Variants in STIM1 observed in about 807,000 individuals in gnomAD.
STIM1 encodes the protein stromal interaction molecule 1.
In STIM1, 25 loss-of-function variants were observed where a neutral mutation model predicts 74.7. The ratio of observed to expected loss-of-function variants is 0.33; its 90% confidence interval spans 0.24 to 0.47. The LOEUF is 0.47. Among genes scored for constraint, STIM1 ranks in the 20% least tolerant of loss-of-function variants. The pLI is 1.00. For synonymous variants in STIM1, 328 were observed against 348.8 expected (o/e 0.94, Z 0.66); for missense variants, 728 against 920.8 (o/e 0.79, Z 2.71).
At chr11:3,970,502 AC>A in intron 2 of STIM1, among the ~76,000 whole-genome samples, 1 of 151,888 alleles carries the variant, frequency 6.6e-6, no homozygotes, top group Middle Eastern at 3.4e-3. Context: ...ATGGTGGGGT[AC>A]CAGAAACCCT....
chr11:4,091,451 A>G lies in STIM1; in HGVS notation c.1804A>G (p.Lys602Glu). ...EGVHPGSLVEKLPDSPALAKK... is the reference protein window; with the variant it reads ...EGVHPGSLVEELPDSPALAKK... Reference sequence around the variant, plus strand: ...GGTCCACCCAGGGTCTCTGGTGGAGAAACTGCCTGACAGCCCTGCCCTGGC... The same window carrying G: ...GGTCCACCCAGGGTCTCTGGTGGAGGAACTGCCTGACAGCCCTGCCCTGGC... The change falls in exon 13 of 13, where the codon AAA (lysine) becomes GAA (glutamate). Residue 602 changes from lysine (K) to glutamate (E), a missense_variant. By Grantham distance (56) the Lys-to-Glu change is moderately conservative. Transcript: ENST00000526596. The G allele has an allele frequency of 1.2e-6, 2 of 1,614,166 alleles. No individual in the cohort carries two copies. The highest frequency in any genetic ancestry group is 1.7e-6 in the Non-Finnish European group (2 of 1,180,028).
chr11:3,990,174 C>G (rs778654915), intron 2 of STIM1, among the ~76,000 whole-genome samples: 1 of 152,146 alleles, frequency 6.6e-6, no homozygotes, highest in Non-Finnish European at 1.5e-5. Flanking sequence ...TAGCTTTTTT[C>G]ACTTAGCATG....
chr11:3,857,832 T>C (rs939907292), intron 1 of STIM1, among the ~76,000 whole-genome samples: 14 of 152,210 alleles, frequency 9.2e-5, no homozygotes, highest in African/African-American at 3.4e-4. Context: ...AAGTTCCAGA[T>C]GTTCCAAGAG....
chr11:4,042,354 T>A lies in STIM1; in HGVS notation c.386-13172T>A, dbSNP rs971436623. Among the ~76,000 whole-genome samples the A allele has an allele frequency of 3.3e-5, 5 of 152,244 alleles. No homozygotes were observed. The East Asian group carries it at 9.6e-4, about 29-fold the overall frequency. On this transcript the variant is annotated intron_variant, in intron 3 of 12. Coordinates refer to ENST00000526596, the MANE Select transcript of STIM1 (RefSeq NM_001382567.1). The stretch of plus-strand genomic sequence containing the variant: ...CCTAATACAATATAGGACTATTTTT[T>A]ATCCCCTTAACCCCTTATGGCTTAA...
chr11:4,037,106 A>G (rs2094110245), intron 3 of STIM1, among the ~76,000 whole-genome samples: 1 of 150,208 alleles, frequency 6.7e-6, no homozygotes, highest in Non-Finnish European at 1.5e-5. Flanking sequence ...CCCAGGCTAG[A>G]GTGCAGTAGC....
At chr11:3,867,771 T>C (rs1188182586) in intron 1 of STIM1, among the ~76,000 whole-genome samples, 1 of 152,240 alleles carries the variant, frequency 6.6e-6, no homozygotes, top group Non-Finnish European at 1.5e-5. Context: ...CTTTCCTCGG[T>C]TGGCCATATA....
At chr11:3,906,419 C>T (rs1565110449) in intron 1 of STIM1, among the ~76,000 whole-genome samples, 1 of 152,200 alleles carries the variant, frequency 6.6e-6, no homozygotes, top group Non-Finnish European at 1.5e-5. Flanking sequence ...TATGCCCTGA[C>T]TGAATAGGTG....
Position 4,074,490 on chromosome 11 carries a change from T to C in STIM1, c.792-12T>C. 1 of 1,613,112 alleles carries C rather than the reference T, an allele frequency of 6.2e-7. No individual in the cohort carries two copies. The highest frequency in any genetic ancestry group is 8.5e-7 in the Non-Finnish European group (1 of 1,179,906). ...GCCTGGCCTCCTCCAGCTCCCTGCATTGCCCCCCCAGGCTGCACAAGGCCC... is the reference window on the plus strand; with the variant it reads ...GCCTGGCCTCCTCCAGCTCCCTGCACTGCCCCCCCAGGCTGCACAAGGCCC... On this transcript the variant is annotated splice_polypyrimidine_tract_variant and intron_variant, in intron 6 of 12. Transcript: ENST00000526596.
intron 1 of STIM1, among the ~76,000 whole-genome samples, chr11:3,857,617 G>T (rs1321044629): frequency 6.6e-6 from 1 of 151,792 alleles, no homozygotes; most frequent in African/African-American, 2.4e-5. Context: ...GCTGTGATCT[G>T]CCCAAAGCTG....
chr11:3,877,315 G>A (rs560447921), intron 1 of STIM1, among the ~76,000 whole-genome samples: 7 of 152,074 alleles, frequency 4.6e-5, no homozygotes, highest in African/African-American at 1.7e-4. Context: ...CTTGGAATTG[G>A]TATGCCTTGC....
intron 1 of STIM1, among the ~76,000 whole-genome samples, chr11:3,860,656 A>G (rs1346807252): frequency 6.6e-6 from 1 of 152,218 alleles, no homozygotes; most frequent in Non-Finnish European, 1.5e-5. Context: ...TAGAAACATC[A>G]GTTAGTTCAT....
chr11:4,081,668 A>C (rs147160068), intron 7 of STIM1, among the ~76,000 whole-genome samples: 1 of 152,200 alleles, frequency 6.6e-6, no homozygotes, highest in Non-Finnish European at 1.5e-5. Context: ...TTGGATTTGC[A>C]TGGGAGAAAG....
intron 1 of STIM1, among the ~76,000 whole-genome samples, chr11:3,963,419 C>T (rs373305858): frequency 2.0e-5 from 3 of 152,142 alleles, no homozygotes; most frequent in Non-Finnish European, 2.9e-5. Context: ...GACATGATCT[C>T]GTTCTTTTTT....
At chr11:3,902,849 A>G (rs544198674) in intron 1 of STIM1, among the ~76,000 whole-genome samples, 1 of 152,268 alleles carries the variant, frequency 6.6e-6, no homozygotes, top group Non-Finnish European at 1.5e-5. Context: ...GCAGATTGCA[A>G]TTGGTGTTGT....
chr11:3,990,611 T>A (rs2093601588), intron 2 of STIM1, among the ~76,000 whole-genome samples: 1 of 152,180 alleles, frequency 6.6e-6, no homozygotes, highest in African/African-American at 2.4e-5. Context: ...CATCAACACT[T>A]GTTATTGTCT....
In STIM1 at chr11:4,082,845, C is replaced by T. The variant is rs149208126; in HGVS notation, c.1138-37C>T. The T allele has an allele frequency of 4.2e-4, 655 of 1,572,808 alleles. 2 individuals carry two copies. In the African/African-American group the frequency reaches 7.7e-3, roughly 19 times the overall value. On this transcript the variant is annotated intron_variant, in intron 8 of 12. Coordinates refer to ENST00000526596, the MANE Select transcript of STIM1 (RefSeq NM_001382567.1). ...TTTCTCATTTATTCCATTCTCGAATCCCTGCTCTTTTTGAGCTGGGGGCCT... is the reference window on the plus strand; with the variant it reads ...TTTCTCATTTATTCCATTCTCGAATTCCTGCTCTTTTTGAGCTGGGGGCCT...
chr11:4,084,617 C>T (rs926484322), intron 10 of STIM1, 56 bp from the exon 11 acceptor site: 38 of 1,264,186 alleles, frequency 3.0e-5, no homozygotes, highest in African/African-American at 9.2e-5. Flanking sequence ...GATGGCAGGC[C>T]GAAGCCCTCC....
chr11:4,040,192 A>C (rs2094137652), intron 3 of STIM1, among the ~76,000 whole-genome samples: 1 of 152,084 alleles, frequency 6.6e-6, no homozygotes, highest in East Asian at 1.9e-4. Context: ...ATTTATGTAA[A>C]CATTTCTGTG....
chr11:3,955,495 C>T (rs1460029258), intron 1 of STIM1, among the ~76,000 whole-genome samples: 2 of 151,998 alleles, frequency 1.3e-5, no homozygotes, highest in African/African-American at 4.8e-5. Context: ...GTAGTATTGA[C>T]TGGAAAGGGG....
Sources: gnomAD v4.1 joint callset for allele counts (sites outside exome capture counted in the v4.1 genomes callset) on GRCh38, gnomAD v4.1.1 for gene constraint, MANE v1.5 for transcripts, NCBI Gene and HGNC (gene_info 2026-07-23, HGNC 2026-07-21) for gene names.